Variants in IFT43 observed in about 807,000 individuals in gnomAD.
IFT43 encodes intraflagellar transport 43.
A neutral mutation model predicts 32.3 loss-of-function variants in IFT43; 33 were observed. That is an observed-to-expected ratio of 1.02 (90% CI 0.77 to 1.37). The LOEUF (loss-of-function observed/expected upper bound fraction) is 1.37, where lower values mean the gene tolerates loss of function less well. Ranked by LOEUF, IFT43 falls within the 40% of genes most tolerant of loss-of-function variation. The pLI, the probability that IFT43 is intolerant of heterozygous loss-of-function variation, is 0.00. For synonymous variants in IFT43, 93 were observed against 98.2 expected (o/e 0.95, Z 0.31); for missense variants, 274 against 265.9 (o/e 1.03, Z -0.21).
intron 2 of IFT43, among the ~76,000 whole-genome samples, chr14:76,001,882 C>A (rs1040797784): frequency 1.3e-5 from 2 of 152,144 alleles, no homozygotes; most frequent in Admixed American, 6.5e-5. Flanking sequence ...CTATAAGGGA[C>A]CCACTCTAGT....
chr14:76,036,408 C>CTTTTTTTTTT (rs3086747), intron 3 of IFT43, among the ~76,000 whole-genome samples: 1 of 119,748 alleles, frequency 8.4e-6, no homozygotes, highest in Non-Finnish European at 1.7e-5. Flanking sequence ...TTCTGTCTTT[C>CTTTTTTTTTT]TTTTTTTTTT....
At chr14:76,059,997 C>T (rs2037099550) in intron 5 of IFT43, among the ~76,000 whole-genome samples, 2 of 152,156 alleles carry the variant, frequency 1.3e-5, no homozygotes, top group African/African-American at 4.8e-5. Context: ...GCAGACAACA[C>T]ATGTTCTTTA....
intron 2 of IFT43, among the ~76,000 whole-genome samples, chr14:76,017,540 G>C (rs1373386896): frequency 6.6e-6 from 1 of 152,118 alleles, no homozygotes; most frequent in Non-Finnish European, 1.5e-5. Flanking sequence ...TCCTTATCTG[G>C]TTTTGGTGTC....
intron 2 of IFT43, among the ~76,000 whole-genome samples, chr14:76,010,715 T>C (rs1594814395): frequency 6.6e-6 from 1 of 152,106 alleles, no homozygotes; most frequent in Admixed American, 6.5e-5. Context: ...AAGCCACAAG[T>C]CTACACCTAA....
intron 3 of IFT43, among the ~76,000 whole-genome samples, chr14:76,038,672 A>C (rs2140002808): frequency 6.6e-6 from 1 of 152,322 alleles, no homozygotes; most frequent in Admixed American, 6.5e-5. Context: ...TTTGAAGATG[A>C]ATAGCCCCCC....
chr14:76,059,333 C>T lies in IFT43; in HGVS notation c.255C>T (p.Arg85=). The T allele has an allele frequency of 6.2e-7, 1 of 1,614,050 alleles. No individual in the cohort carries two copies. Among genetic ancestry groups the T allele is most frequent in the East Asian group, 2.2e-5 (1 of 44,890 alleles). The part of the protein sequence containing the change: ...RKASEEIEDF[R]LRPQSLNGSD... ...TCTTCTTTTTTGGGGGCAGTTTCCG[C>T]CTCAGACCACAGAGCCTGAATGGAT... Residue 85 remains arginine, a synonymous_variant, in exon 5 of 9, where the codon CGC becomes CGT. Coordinates refer to ENST00000314067, the MANE Select transcript of IFT43 (RefSeq NM_001102564.3).
At chr14:76,024,485 G>C (rs1470314864) in intron 3 of IFT43, among the ~76,000 whole-genome samples, 1 of 152,222 alleles carries the variant, frequency 6.6e-6, no homozygotes, top group Non-Finnish European at 1.5e-5. Flanking sequence ...TAAACCTGGG[G>C]AAGTTACTTA....
chr14:76,073,491 G>A (rs1232085573), intron 5 of IFT43, among the ~76,000 whole-genome samples: 3 of 152,266 alleles, frequency 2.0e-5, no homozygotes, highest in Admixed American at 6.5e-5. Flanking sequence ...TCTGACCCTC[G>A]CAAGAGGCAA....
chr14:75,999,275 A>T (rs1196552362), intron 2 of IFT43, among the ~76,000 whole-genome samples: 1,008 of 18,172 alleles, frequency 0.055, 96 homozygotes, highest in African/African-American at 0.15. Context: ...ATATATATGT[A>T]TATATATTTT....
Position 76,072,180 on chromosome 14 carries a change from A to G in IFT43, c.296-10115A>G, listed in dbSNP as rs987726330. Among the ~76,000 whole-genome samples, 102 of 152,152 alleles carry G rather than the reference A, an allele frequency of 6.7e-4. 1 individual carries two copies. Among genetic ancestry groups the G allele is most frequent in the Admixed American group, 6.7e-3 (102 of 15,278 alleles). The stretch of plus-strand genomic sequence containing the variant: ...TTCCTCTCTTTTTTCCATCAAATCC[A>G]TGGAGAGTACTTTTACATGATGAGT... On this transcript the variant is annotated intron_variant, in intron 5 of 8. Coordinates refer to ENST00000314067, the MANE Select transcript of IFT43 (RefSeq NM_001102564.3).
rs142969918 is a variant in IFT43 at position 76,023,311 on chromosome 14, T to C, written c.215+917T>C. Among the ~76,000 whole-genome samples the C allele has an allele frequency of 7.8e-4, 119 of 152,314 alleles. 1 individual carries two copies. The highest frequency in any genetic ancestry group is 2.6e-3 in the African/African-American group (108 of 41,566). ...CAGCCTTTCCACAGCTTAGACTAGA[T>C]GCTGATCCCTGTGGTTCCATATTGA... is the stretch of plus-strand genomic sequence containing the variant. On this transcript the variant is annotated intron_variant, in intron 3 of 8. Transcript: ENST00000314067.
At chr14:75,986,358 A>G in intron 1 of IFT43, 2 of 1,124,502 alleles carry the variant, frequency 1.8e-6, no homozygotes, top group South Asian at 1.6e-5. Context: ...TCAGTAGTTA[A>G]GGAAACCAAG....
At chr14:76,071,061 CA>C (rs2037312382) in intron 5 of IFT43, among the ~76,000 whole-genome samples, 1 of 152,152 alleles carries the variant, frequency 6.6e-6, no homozygotes, top group Non-Finnish European at 1.5e-5. Context: ...TAGGCCTAGA[CA>C]TTAAGGTCTC....
chr14:75,989,922 G>T (rs866124016), intron 2 of IFT43, among the ~76,000 whole-genome samples: 3 of 152,330 alleles, frequency 2.0e-5, no homozygotes, highest in South Asian at 2.1e-4. Context: ...CTTCATTTTC[G>T]TAGGAAATGC....
chr14:75,999,696 T>C (rs1238320889), intron 2 of IFT43, among the ~76,000 whole-genome samples: 1 of 151,938 alleles, frequency 6.6e-6, no homozygotes, highest in Non-Finnish European at 1.5e-5. Context: ...CATGAATGAG[T>C]AGGAATTTGC....
At chr14:76,039,130 A>AT (rs113103805) in intron 3 of IFT43, among the ~76,000 whole-genome samples, 5,708 of 142,496 alleles carry the variant, frequency 0.04, 113 homozygotes, top group South Asian at 0.083. Context: ...GGTATGTTGC[A>AT]TTTTTTTTTT....
chr14:76,007,182 A>G (rs1327315979), intron 2 of IFT43, among the ~76,000 whole-genome samples: 1 of 152,118 alleles, frequency 6.6e-6, no homozygotes, highest in Non-Finnish European at 1.5e-5. Context: ...CAAATGGTAT[A>G]TAGTAGGGAT....
chr14:76,071,538 T>C (rs1466335147), intron 5 of IFT43, among the ~76,000 whole-genome samples: 1 of 152,104 alleles, frequency 6.6e-6, no homozygotes, highest in Non-Finnish European at 1.5e-5. Context: ...CCCACCATGA[T>C]TGATTTCAAA....
intron 3 of IFT43, among the ~76,000 whole-genome samples, chr14:76,055,429 A>G (rs10141731): frequency 0.84 from 127,529 of 152,074 alleles, 53,599 homozygotes; most frequent in Non-Finnish European, 0.87. Flanking sequence ...GAAACAAAAC[A>G]TTTACATAAT....
Sources: gnomAD v4.1 joint callset for allele counts (sites outside exome capture counted in the v4.1 genomes callset) on GRCh38, gnomAD v4.1.1 for gene constraint, MANE v1.5 for transcripts, NCBI Gene and HGNC (gene_info 2026-07-23, HGNC 2026-07-21) for gene names.